Variants in ELK3 observed in about 807,000 individuals in gnomAD.
ELK3 encodes ETS transcription factor ELK3, also known as ETS domain-containing protein Elk-3.
A neutral mutation model predicts 28.9 loss-of-function variants in ELK3; 10 were observed. That is an observed-to-expected ratio of 0.35 (90% confidence interval 0.21 to 0.59). The LOEUF (loss-of-function observed/expected upper bound fraction) is 0.59. Ranked by LOEUF, ELK3 falls within the 20% of genes least tolerant of loss-of-function variation. ELK3 has a pLI of 0.82. For missense variants in ELK3, 463 were observed against 517.3 expected (o/e 0.90, Z 1.02); for synonymous variants, 272 against 243.5 (o/e 1.12, Z -1.09).
At position 96,247,656 on chromosome 12, in the gene ELK3, C is replaced by T. The variant is rs1249164051; in HGVS notation, c.924C>T (p.Gly308=). Residue 308 remains glycine, a synonymous_variant, in exon 3 of 5, where the codon GGC becomes GGT. Transcript: ENST00000228741. This position sits in a 1 kb window ranked among gnomAD's most constrained non-coding sequence, Gnocchi z 5.5. ...CAGCGCCCCCGCTGGTGCTCTCCGG[C>T]ACCGACATCGGCTCCATCGCCCTCA... The part of the protein sequence containing the change: ...EISAPPLVLS[G]TDIGSIALNS... The T allele has an allele frequency of 8.1e-6, 13 of 1,612,516 alleles. No individual in the cohort carries two copies. Among genetic ancestry groups the T allele is most frequent in the Non-Finnish European group, 1.1e-5 (13 of 1,179,960 alleles).
At chr12:96,236,276 C>T (rs566042864) in intron 2 of ELK3, among the ~76,000 whole-genome samples, 22 of 152,314 alleles carry the variant, frequency 1.4e-4, no homozygotes, top group African/African-American at 5.1e-4. Context: ...ATGCTGCGAA[C>T]GTCCAGTCGA....
rs1291971400 is a variant in ELK3 at position 96,247,556 on chromosome 12, A to G, written c.824A>G (p.Asn275Ser). 1 of 1,613,736 alleles carries G rather than the reference A, an allele frequency of 6.2e-7. No homozygotes were observed. The highest frequency in any genetic ancestry group is 8.5e-7 in the Non-Finnish European group (1 of 1,179,924). Residue 275 changes from asparagine to serine, a missense_variant, in exon 3 of 5, where the codon AAC becomes AGC. By Grantham distance (46) the Asn-to-Ser change is conservative. Coordinates refer to ENST00000228741, the MANE Select transcript of ELK3 (RefSeq NM_005230.4). This position sits in a 1 kb window ranked among gnomAD's most constrained non-coding sequence, Gnocchi z 5.5. The part of the protein sequence containing the change: ...CHDSDSLEPL[N>S]LSSGSKTKSP... ...GACTCCGATTCCCTGGAGCCCTTGA[A>G]CCTGTCATCGGGCTCCAAGACCAAG... is the stretch of plus-strand genomic sequence containing the variant.
intron 1 of ELK3, among the ~76,000 whole-genome samples, chr12:96,220,596 C>T (rs979279729): frequency 6.6e-6 from 1 of 151,862 alleles, no homozygotes; most frequent in South Asian, 2.1e-4. Context: ...ATCATGTTGG[C>T]CAGGCTGGTC....
chr12:96,260,745 A>G (rs1006298943), intron 4 of ELK3, among the ~76,000 whole-genome samples: 10 of 152,250 alleles, frequency 6.6e-5, no homozygotes, highest in Non-Finnish European at 1.5e-4. Flanking sequence ...AGGTGGACCC[A>G]GTGCAAACTC....
At chr12:96,195,722 C>T (rs932135301) in intron 1 of ELK3, among the ~76,000 whole-genome samples, 3 of 152,178 alleles carry the variant, frequency 2.0e-5, no homozygotes, top group African/African-American at 7.2e-5. Context: ...GACTAATTGC[C>T]ATGCGCTTCC....
chr12:96,258,353 G>A (rs1324637800), intron 3 of ELK3, among the ~76,000 whole-genome samples: 1 of 152,224 alleles, frequency 6.6e-6, no homozygotes, highest in Non-Finnish European at 1.5e-5. Context: ...AAATAATTTG[G>A]TATAAATGTG....
chr12:96,263,085 C>T (rs758927756), intron 4 of ELK3, among the ~76,000 whole-genome samples: 2 of 152,100 alleles, frequency 1.3e-5, no homozygotes, highest in Non-Finnish European at 2.9e-5. Context: ...GGCAAGTTTC[C>T]TATTACCATG....
At chr12:96,206,186 A>G (rs1337581565) in intron 1 of ELK3, among the ~76,000 whole-genome samples, 1 of 152,140 alleles carries the variant, frequency 6.6e-6, no homozygotes, top group East Asian at 1.9e-4. Flanking sequence ...AAAGCCTAGT[A>G]GTTTGTCTTT....
chr12:96,212,455 G>GT (rs1426675904), intron 1 of ELK3, among the ~76,000 whole-genome samples: 6 of 152,158 alleles, frequency 3.9e-5, no homozygotes, highest in Non-Finnish European at 7.3e-5. Context: ...AGGAACCTCT[G>GT]TTTTTTATAG....
chr12:96,216,568 C>G (rs1440566283), intron 1 of ELK3, among the ~76,000 whole-genome samples: 2 of 152,166 alleles, frequency 1.3e-5, no homozygotes, highest in Admixed American at 1.3e-4. Context: ...ACAAAGAGCC[C>G]AGGTGGGTGC....
intron 2 of ELK3, among the ~76,000 whole-genome samples, chr12:96,229,245 C>T (rs1045812602): frequency 6.6e-6 from 1 of 152,136 alleles, no homozygotes; most frequent in Non-Finnish European, 1.5e-5. Context: ...TGTTTATTGT[C>T]CCGTAGTTTC....
chr12:96,220,379 G>A (rs926023113), intron 1 of ELK3, among the ~76,000 whole-genome samples: 14 of 126,798 alleles, frequency 1.1e-4, no homozygotes, highest in Non-Finnish European at 3.2e-5. Flanking sequence ...ATACTTTTTC[G>A]TGATTTTTTT....
chr12:96,269,163 C>CT lies in ELK3; in HGVS notation c.*1984dup, dbSNP rs919163722. 4 of 152,190 alleles carry CT rather than the reference C, an allele frequency of 2.6e-5. No individual in the cohort carries two copies. The South Asian group carries it at 8.3e-4, about 32-fold the overall frequency. 9.4% of individuals were successfully genotyped at this position (152,190 alleles called of 1,614,324 possible). ...TGATTGGTGCTCAGTCCAATTCTGT[C>CT]TCCCCCATGCCTAGCTGTTAAGTAA... On this transcript the variant is annotated 3_prime_UTR_variant, in exon 5 of 5. Coordinates refer to ENST00000228741, the MANE Select transcript of ELK3 (RefSeq NM_005230.4).
intron 2 of ELK3, among the ~76,000 whole-genome samples, chr12:96,228,109 A>G (rs969091785): frequency 9.9e-5 from 15 of 151,990 alleles, no homozygotes; most frequent in Non-Finnish European, 1.9e-4. Context: ...TAAAAAATTT[A>G]GCACAATTTA....
chr12:96,228,186 A>G (rs982645590), intron 2 of ELK3, among the ~76,000 whole-genome samples: 6 of 151,958 alleles, frequency 3.9e-5, no homozygotes, highest in South Asian at 2.1e-4. Flanking sequence ...TTGGGAGGCC[A>G]AGGTGGGTGG....
Position 96,247,043 on chromosome 12 carries a change from G to A in ELK3, c.311G>A (p.Ser104Asn). The change falls in exon 3 of 5, where the codon AGC becomes AAC. Residue 104 changes from serine to asparagine, a missense_variant. Transcript: ENST00000228741. The surrounding 1 kb of genome is among the most constrained non-coding windows in gnomAD (Gnocchi z 5.5). Reference sequence around the variant, plus strand: ...CACGCGGTGGAGATCAGCCGGGAGAGCCTTCTGCTGCAGGACAGCGACTGC... The same window carrying A: ...CACGCGGTGGAGATCAGCCGGGAGAACCTTCTGCTGCAGGACAGCGACTGC... ...DPHAVEISRE[S>N]LLLQDSDCKA... 1 of 1,614,084 alleles carries A rather than the reference G, an allele frequency of 6.2e-7. No homozygotes were observed. The highest frequency in any genetic ancestry group is 8.5e-7 in the Non-Finnish European group (1 of 1,180,022).
chr12:96,265,365 A>G (rs1350443030), intron 4 of ELK3, among the ~76,000 whole-genome samples: 1 of 152,212 alleles, frequency 6.6e-6, no homozygotes, highest in East Asian at 1.9e-4. Flanking sequence ...TACACCAAAG[A>G]GAGAGAAGAT....
At chr12:96,225,229 A>C (rs1160414228) in intron 2 of ELK3, among the ~76,000 whole-genome samples, 1 of 152,174 alleles carries the variant, frequency 6.6e-6, no homozygotes, top group African/African-American at 2.4e-5. Flanking sequence ...GGGCTTTGAG[A>C]CTCAAAAAGC....
intron 1 of ELK3, among the ~76,000 whole-genome samples, chr12:96,216,822 G>T (rs1378414009): frequency 2.0e-5 from 3 of 152,184 alleles, no homozygotes; most frequent in Non-Finnish European, 4.4e-5. Flanking sequence ...GGCACAGAAA[G>T]GTTAAGTAAC....
Sources: allele counts gnomAD v4.1 joint callset (sites outside exome capture counted in the v4.1 genomes callset), GRCh38; gene constraint gnomAD v4.1.1; non-coding constraint Gnocchi (gnomAD v3.1); transcripts MANE v1.5; gene names NCBI Gene and HGNC (gene_info 2026-07-23, HGNC 2026-07-21).